The following MAML2 variants were observed in gnomAD, a reference collection of about 807,000 sequenced individuals.
MAML2 encodes the protein mastermind like transcriptional coactivator 2, also known as mastermind-like protein 2.
Under a neutral mutation model 96.1 loss-of-function variants are expected in MAML2, and 22 were observed. The ratio of observed to expected loss-of-function variants is 0.23; its 90% confidence interval spans 0.16 to 0.33. MAML2 has a LOEUF of 0.33. Ranked by LOEUF, MAML2 falls within the 10% of genes least tolerant of loss-of-function variation. The pLI is 1.00. For synonymous variants in MAML2, 561 were observed against 521.3 expected, an observed-to-expected ratio of 1.08 and a Z score of -1.04; for missense variants, 1,367 against 1,392.4, an observed-to-expected ratio of 0.98 and a Z score of 0.29.
intron 2 of MAML2, among the ~76,000 whole-genome samples, chr11:96,057,726 A>G (rs1329285742): frequency 6.6e-6 from 1 of 152,264 alleles, no homozygotes; most frequent in Non-Finnish European, 1.5e-5. Context: ...TAAACTCTGT[A>G]GACCACTGAA....
rs556715464 is a variant in MAML2 at position 96,164,778 on chromosome 11, G to A, written c.514-71261C>T. ...ATGTACAATGCTTAAGACAGATAGT[G>A]TGTCACTTTCATAAGTAAAGCAAGC... On this transcript the variant is annotated intron_variant, in intron 1 of 4. Coordinates refer to ENST00000524717, the MANE Select transcript of MAML2 (RefSeq NM_032427.4). Among the ~76,000 whole-genome samples, 3 of 152,328 alleles carry A rather than the reference G, an allele frequency of 2.0e-5. No homozygotes were observed. The South Asian group carries it at 6.2e-4, about 32-fold the overall frequency.
intron 2 of MAML2, among the ~76,000 whole-genome samples, chr11:96,043,038 C>G (rs1192135044): frequency 6.6e-6 from 1 of 152,034 alleles, no homozygotes; most frequent in South Asian, 2.1e-4. Context: ...GAGCCACCAC[C>G]CGGCGAATCC....
At chr11:96,262,345 G>T (rs1862761222) in intron 1 of MAML2, among the ~76,000 whole-genome samples, 1 of 151,958 alleles carries the variant, frequency 6.6e-6, no homozygotes, top group South Asian at 2.1e-4. Flanking sequence ...ATTATTTATT[G>T]TATAAATAAA....
chr11:96,327,844 C>T (rs142640529), intron 1 of MAML2, among the ~76,000 whole-genome samples: 11,934 of 151,956 alleles, frequency 0.079, 651 homozygotes, highest in African/African-American at 0.15. Flanking sequence ...ACCTGTAATC[C>T]CAGCACTTTG....
At chr11:96,224,192 C>T (rs1041971772) in intron 1 of MAML2, among the ~76,000 whole-genome samples, 1 of 152,132 alleles carries the variant, frequency 6.6e-6, no homozygotes, top group Non-Finnish European at 1.5e-5. Flanking sequence ...ATGTAAATTA[C>T]TTAGTAGATA....
At chr11:95,981,783 G>T (rs1857742629) in intron 4 of MAML2, among the ~76,000 whole-genome samples, 1 of 152,120 alleles carries the variant, frequency 6.6e-6, no homozygotes, top group Non-Finnish European at 1.5e-5. Flanking sequence ...TATCATCTTT[G>T]TATCTGAAAG....
intron 4 of MAML2, among the ~76,000 whole-genome samples, chr11:95,983,746 G>A (rs1857781196): frequency 6.6e-6 from 1 of 151,966 alleles, no homozygotes; most frequent in Admixed American, 6.6e-5. Flanking sequence ...TCTAGAATAA[G>A]GATATAGAGA....
chr11:96,140,761 C>T (rs1029356577), intron 1 of MAML2, among the ~76,000 whole-genome samples: 10 of 152,176 alleles, frequency 6.6e-5, no homozygotes, highest in African/African-American at 2.4e-4. Context: ...GGCTCTTCCT[C>T]CCTCTAGAGC....
Position 95,978,243 on chromosome 11 carries a change from G to A in MAML2, c.*705C>T, listed in dbSNP as rs779760718. ...TAAAATTTCATTTGGAATGGATTCA[G>A]ATATTCGTTGTGGAAGCCAAAATCA... On this transcript the variant is annotated 3_prime_UTR_variant, in exon 5 of 5. Transcript: ENST00000524717. 5.8e-5 allele frequency: 12 copies of A among 206,506 alleles called. No homozygotes were observed. The highest frequency in any genetic ancestry group is 1.1e-4 in the Non-Finnish European group (11 of 101,184). The allele number at this position is 206,506 out of a possible 1,614,324, so 12.8% of individuals were successfully genotyped here.
At chr11:96,122,491 A>AGGCT (rs1860365339) in intron 1 of MAML2, among the ~76,000 whole-genome samples, 1 of 94,794 alleles carries the variant, frequency 1.1e-5, no homozygotes, top group Non-Finnish European at 2.2e-5. Flanking sequence ...CAAATCTTTT[A>AGGCT]GGCTGGGTGT....
intron 1 of MAML2, among the ~76,000 whole-genome samples, chr11:96,266,987 A>G (rs1565267420): frequency 6.6e-6 from 1 of 152,244 alleles, no homozygotes; most frequent in African/African-American, 2.4e-5. Flanking sequence ...TAATAGGTCC[A>G]CAGATATTTT....
chr11:96,340,091 C>T (rs929246525), intron 1 of MAML2, among the ~76,000 whole-genome samples: 1 of 152,140 alleles, frequency 6.6e-6, no homozygotes, highest in Non-Finnish European at 1.5e-5. Flanking sequence ...CCATCCTACT[C>T]CCCAGAGATT....
At chr11:96,282,499 T>C (rs1171069392) in intron 1 of MAML2, among the ~76,000 whole-genome samples, 1 of 152,158 alleles carries the variant, frequency 6.6e-6, no homozygotes, top group Non-Finnish European at 1.5e-5. Context: ...AAAGCAGAAT[T>C]GAAATCTGCG....
chr11:96,000,099 T>C lies in MAML2; in HGVS notation c.2140-8376A>G, dbSNP rs145774979. On this transcript the variant is annotated intron_variant, in intron 2 of 4. Transcript: ENST00000524717. Reference sequence around the variant, plus strand: ...CAAAGTTATTTATTTGGGGCATTAATAGTGAGGTGGTTGTGGGTGGCCAAA... The same window carrying C: ...CAAAGTTATTTATTTGGGGCATTAACAGTGAGGTGGTTGTGGGTGGCCAAA... 2.2e-3 allele frequency among the ~76,000 whole-genome samples: 328 copies of C among 152,288 alleles called. 1 individual carries two copies. The highest frequency in any genetic ancestry group is 6.8e-3 in the Middle Eastern group (2 of 294).
chr11:96,298,677 AT>A (rs1261178870), intron 1 of MAML2, among the ~76,000 whole-genome samples: 1 of 150,410 alleles, frequency 6.6e-6, no homozygotes, highest in African/African-American at 2.4e-5. Context: ...TATTATATAC[AT>A]TTTTCTATGT....
chr11:96,221,776 T>C (rs1422190082), intron 1 of MAML2, among the ~76,000 whole-genome samples: 1 of 149,672 alleles, frequency 6.7e-6, no homozygotes, highest in Non-Finnish European at 1.5e-5. Context: ...TCAGTGTTAA[T>C]AGAAAACAGC....
At chr11:96,007,602 T>C (rs1036931196) in intron 2 of MAML2, among the ~76,000 whole-genome samples, 8 of 152,150 alleles carry the variant, frequency 5.3e-5, no homozygotes, top group African/African-American at 1.9e-4. Context: ...TATTCAATTA[T>C]GCACTCCTAT....
chr11:96,250,332 A>G (rs1042802160), intron 1 of MAML2, among the ~76,000 whole-genome samples: 2 of 152,216 alleles, frequency 1.3e-5, no homozygotes, highest in Non-Finnish European at 2.9e-5. Context: ...GTTTCAATAC[A>G]TATAATCATA....
At chr11:96,018,443 T>C (rs1054317555) in intron 2 of MAML2, among the ~76,000 whole-genome samples, 3 of 152,132 alleles carry the variant, frequency 2.0e-5, no homozygotes, top group Admixed American at 6.5e-5. Flanking sequence ...GGAGTGAGTA[T>C]AGATGATGAA....
Sources: allele counts gnomAD v4.1 joint callset (sites outside exome capture counted in the v4.1 genomes callset), GRCh38; gene constraint gnomAD v4.1.1; transcripts MANE v1.5; gene names NCBI Gene and HGNC (gene_info 2026-07-23, HGNC 2026-07-21).